Variants in TNS1 observed in about 807,000 individuals in gnomAD.
TNS1 encodes tensin-1.
TNS1 carries 62 observed loss-of-function variants against 168.6 expected under a neutral mutation model. The ratio of observed to expected loss-of-function variants is 0.37; its 90% confidence interval spans 0.30 to 0.45. TNS1 has a LOEUF of 0.45. TNS1 is among the 20% of genes least tolerant of loss of function. The pLI, the probability that TNS1 is intolerant of heterozygous loss-of-function variation, is 1.00. For synonymous variants in TNS1, 934 were observed against 933.2 expected (o/e 1.00, Z -0.02); for missense variants, 2,240 against 2,339.4 (o/e 0.96, Z 0.88).
intron 4 of TNS1, among the ~76,000 whole-genome samples, chr2:217,910,713 T>TACACACACAC (rs10554233): frequency 1.5e-3 from 157 of 106,728 alleles, no homozygotes; most frequent in East Asian, 3.5e-3. Flanking sequence ...CACATACACA[T>TACACACACAC]ACACACACAC....
chr2:217,937,208 A>T (rs1956658961), intron 3 of TNS1: 1 of 362,580 alleles, frequency 2.8e-6, no homozygotes, highest in East Asian at 7.4e-5. Flanking sequence ...CCCCCACTAG[A>T]TCGTGTCTCC....
At position 217,848,163 on chromosome 2, in the gene TNS1, GGCTGCTGCT is replaced by G. The variant is rs3839056; in HGVS notation, c.2345_2353del (p.Gln782_Gln784del). 294 of 1,502,208 alleles carry G rather than the reference GGCTGCTGCT, an allele frequency of 2.0e-4. 1 individual carries two copies. Among genetic ancestry groups the G allele is most frequent in the Middle Eastern group, 5.4e-4 (3 of 5,588 alleles). The allele number at this position is 1,502,208 out of a possible 1,614,324, so 93.1% of individuals were successfully genotyped here. On this transcript the variant is annotated inframe_deletion, in exon 19 of 33. Transcript: ENST00000682258. ...TTCCTGCTGGCGTGGAGGTGGGCGA[GGCTGCTGCT>G]GCTGCTGCTGCTGCTGCTGCCACGA...
In TNS1 at chr2:217,835,143, C is replaced by T. The variant is rs1291930101; in HGVS notation, c.3228G>A (p.Glu1076=). 6.3e-7 allele frequency: 1 copy of T among 1,593,018 alleles called. No individual in the cohort carries two copies. Among genetic ancestry groups the T allele is most frequent in the East Asian group, 2.3e-5 (1 of 43,246 alleles). The change falls in exon 21 of 33, where the codon GAG becomes GAA. Residue 1076 remains glutamate (E), a synonymous_variant. Coordinates refer to ENST00000682258, the MANE Select transcript of TNS1 (RefSeq NM_001387777.1). ...PKEPHLHSYK[E]AFEEMEGTSP... ...AGGTTCCCTCCATCTCCTCGAAGGC[C>T]TCCTTGTAGCTGTGCAAATGGGGCT...
At chr2:218,002,347 A>G (rs527639359) in intron 1 of TNS1, among the ~76,000 whole-genome samples, 1 of 152,274 alleles carries the variant, frequency 6.6e-6, no homozygotes, top group African/African-American at 2.4e-5. Context: ...AAGGAATAAA[A>G]GGGATGGACT....
At chr2:217,962,541 C>A (rs1957525580) in intron 3 of TNS1, among the ~76,000 whole-genome samples, 1 of 152,094 alleles carries the variant, frequency 6.6e-6, no homozygotes, top group South Asian at 2.1e-4. Flanking sequence ...AAAAAAATGA[C>A]CATATGAGTT....
Position 217,810,195 on chromosome 2 carries a change from G to A in TNS1, c.5104+53C>T, listed in dbSNP as rs1034445932. On this transcript the variant is annotated intron_variant, in intron 29 of 32. Coordinates refer to ENST00000682258, the MANE Select transcript of TNS1 (RefSeq NM_001387777.1). ...TGCACGTGCAGGAGGGGTCAGGGCA[G>A]GAAGGCAGAAAGAGAGGCCTGGGCA... The A allele has an allele frequency of 5.0e-6, 8 of 1,598,122 alleles. No homozygotes were observed. In the African/African-American group the frequency reaches 8.0e-5, roughly 16 times the overall value.
intron 3 of TNS1, among the ~76,000 whole-genome samples, chr2:217,947,401 G>A (rs898099331): frequency 6.6e-6 from 1 of 152,082 alleles, no homozygotes; most frequent in African/African-American, 2.4e-5. Flanking sequence ...CATCGAGCAG[G>A]CGCCCAGTGG....
intron 18 of TNS1, chr2:217,858,701 C>CA (rs1553571527): frequency 1.5e-4 from 29 of 192,216 alleles, no homozygotes; most frequent in Middle Eastern, 2.7e-3. Context: ...CACACACACA[C>CA]CCCACTCCCT....
rs201232473 is a variant in TNS1 at position 217,893,452 on chromosome 2, A to G, written c.704T>C (p.Val235Ala). ...CACAGCTCTGACCTTGTTGTGTAGAACAACGACATTGTGAGGGTCTGCATT... is the reference window on the plus strand; with the variant it reads ...CACAGCTCTGACCTTGTTGTGTAGAGCAACGACATTGTGAGGGTCTGCATT... ...WLNADPHNVV[V>A]LHNKGNRGRI... Residue 235 changes from valine to alanine, a missense_variant, in exon 10 of 33, where the codon GTT becomes GCT. By Grantham distance (64) the Val-to-Ala change is moderately conservative. Coordinates refer to ENST00000682258, the MANE Select transcript of TNS1 (RefSeq NM_001387777.1). The G allele has an allele frequency of 1.2e-6, 2 of 1,607,654 alleles. No homozygotes were observed. The highest frequency in any genetic ancestry group is 1.3e-5 in the African/African-American group (1 of 74,836).
intron 12 of TNS1, among the ~76,000 whole-genome samples, chr2:217,889,964 C>T (rs1347680249): frequency 1.3e-5 from 2 of 152,244 alleles, no homozygotes; most frequent in African/African-American, 2.4e-5. Flanking sequence ...CTTTGAGCAA[C>T]ATGTCACCCA....
At chr2:217,879,432 G>A (rs1416872253) in intron 18 of TNS1, 1 of 454,724 alleles carries the variant, frequency 2.2e-6, no homozygotes, top group African/African-American at 2.0e-5. Flanking sequence ...GCCCGGGGAT[G>A]GAGGAGTGCT....
At chr2:217,891,957 T>C (rs960894564) in intron 11 of TNS1, among the ~76,000 whole-genome samples, 3 of 152,232 alleles carry the variant, frequency 2.0e-5, no homozygotes, top group African/African-American at 7.2e-5. Context: ...TGAGTCCCTT[T>C]ACTCTTTCAC....
intron 1 of TNS1, among the ~76,000 whole-genome samples, chr2:218,022,961 C>A (rs868735092): frequency 1.3e-5 from 2 of 152,144 alleles, no homozygotes; most frequent in Admixed American, 1.3e-4. Flanking sequence ...GGGCAACAGG[C>A]CCAACCCCAC....
intron 21 of TNS1, among the ~76,000 whole-genome samples, chr2:217,833,384 A>G (rs929546231): frequency 1.2e-4 from 19 of 152,312 alleles, no homozygotes; most frequent in Middle Eastern, 3.4e-3. Context: ...TGAGAGAAAA[A>G]TTCCACACGT....
intron 1 of TNS1, among the ~76,000 whole-genome samples, chr2:218,020,010 G>C (rs781146506): frequency 1.1e-4 from 16 of 152,166 alleles, no homozygotes; most frequent in Non-Finnish European, 2.2e-4. Context: ...GAAATGTGAA[G>C]TGGATCCTCC....
At chr2:217,899,810 C>T (rs978361038) in intron 7 of TNS1, among the ~76,000 whole-genome samples, 2 of 152,222 alleles carry the variant, frequency 1.3e-5, no homozygotes, top group African/African-American at 4.8e-5. Context: ...GAGCCACCTC[C>T]AGTCTGTGGA....
Position 217,858,007 on chromosome 2 carries a change from T to G in TNS1, c.1430-8920A>C, listed in dbSNP as rs1948359387. On this transcript the variant is annotated intron_variant, in intron 18 of 32. Coordinates refer to ENST00000682258, the MANE Select transcript of TNS1 (RefSeq NM_001387777.1). ...CTCTGCCAAAGTCAGGAGAAAGCCG[T>G]GAATGGGAGCCCACAGGAGGCCGGT... is the stretch of plus-strand genomic sequence containing the variant. Among the ~76,000 whole-genome samples, 3 of 152,190 alleles carry G rather than the reference T, an allele frequency of 2.0e-5. No individual in the cohort carries two copies. In the South Asian group the frequency reaches 6.2e-4, roughly 32 times the overall value.
At chr2:217,976,394 G>A (rs1295255737) in intron 3 of TNS1, among the ~76,000 whole-genome samples, 2 of 152,210 alleles carry the variant, frequency 1.3e-5, no homozygotes, top group African/African-American at 4.8e-5. Context: ...TTCCCAGCAG[G>A]AGGAAAAGGC....
At chr2:217,892,188 C>T (rs1559311457) in intron 11 of TNS1, among the ~76,000 whole-genome samples, 1 of 152,212 alleles carries the variant, frequency 6.6e-6, no homozygotes. Flanking sequence ...ACCTCCCTGC[C>T]TCCCAGATTC....
Sources: allele counts gnomAD v4.1 joint callset (sites outside exome capture counted in the v4.1 genomes callset), GRCh38; gene constraint gnomAD v4.1.1; transcripts MANE v1.5; gene names NCBI Gene and HGNC (gene_info 2026-07-23, HGNC 2026-07-21).